The following WDR20 variants were observed in gnomAD, a reference collection of about 807,000 sequenced individuals.
WDR20 encodes WD repeat-containing protein 20.
WDR20 carries 3 observed loss-of-function variants against 38.7 expected under a neutral mutation model. The observed-to-expected ratio is 0.08, with a 90% CI of 0.04 to 0.20. WDR20 has a LOEUF of 0.20. Ranked by LOEUF, WDR20 falls within the 10% of genes least tolerant of loss-of-function variation. WDR20 has a pLI of 1.00. For missense variants in WDR20, 559 were observed against 727.7 expected (o/e 0.77, Z 2.67); for synonymous variants, 298 against 285.6 (o/e 1.04, Z -0.44).
chr14:102,185,876 G>A (rs987821727), intron 1 of WDR20, among the ~76,000 whole-genome samples: 1 of 150,794 alleles, frequency 6.6e-6, no homozygotes, highest in South Asian at 2.1e-4. Flanking sequence ...AGGTCTCTTG[G>A]TTTCTATCAC....
chr14:102,189,714 A>T (rs918022687), intron 1 of WDR20, among the ~76,000 whole-genome samples: 3 of 152,250 alleles, frequency 2.0e-5, no homozygotes, highest in Non-Finnish European at 4.4e-5. Flanking sequence ...CAGTGTGTAG[A>T]ATCTATCAGA....
intron 1 of WDR20, among the ~76,000 whole-genome samples, chr14:102,178,581 T>C (rs144120650): frequency 1.3e-5 from 2 of 152,038 alleles, no homozygotes; most frequent in African/African-American, 4.8e-5. Context: ...TCTGGGCCCC[T>C]GCACTTGAAC....
At chr14:102,191,096 G>A (rs1300093789) in intron 1 of WDR20, 1 of 152,126 alleles carries the variant, frequency 6.6e-6, no homozygotes, top group Non-Finnish European at 1.5e-5. Context: ...AAATACTTCT[G>A]TGTGCTCTGT....
chr14:102,173,153 C>A (rs899359218), intron 1 of WDR20, among the ~76,000 whole-genome samples: 1 of 151,536 alleles, frequency 6.6e-6, no homozygotes, highest in Non-Finnish European at 1.5e-5. Context: ...TATTCTGTCG[C>A]GCAGGCTGGA....
chr14:102,220,382 T>G lies in WDR20; in HGVS notation c.1693-2448T>G, dbSNP rs2063748706. 1.3e-5 allele frequency among the ~76,000 whole-genome samples: 2 copies of G among 152,250 alleles called. No individual in the cohort carries two copies. Among genetic ancestry groups the G allele is most frequent in the Admixed American group, 1.3e-4 (2 of 15,288 alleles). ...CAAAGGCTTCTTACCAAAAAAGTCA[T>G]TAGTAATTTTTATATTGCTGAATAT... On this transcript the variant is annotated intron_variant, in intron 3 of 3. Transcript: ENST00000335263. The surrounding 1 kb of genome is among the most constrained non-coding windows in gnomAD (Gnocchi z 4.2).
chr14:102,205,630 T>C (rs1267040000), intron 2 of WDR20, among the ~76,000 whole-genome samples: 1 of 152,144 alleles, frequency 6.6e-6, no homozygotes, highest in East Asian at 1.9e-4. Flanking sequence ...CACGCTGCTG[T>C]TGCTGCCCAC....
At position 102,189,201 on chromosome 14, in the gene WDR20, C is replaced by A. The variant is rs572064215; in HGVS notation, c.250-5737C>A. Among the ~76,000 whole-genome samples, 19 of 152,120 alleles carry A rather than the reference C, an allele frequency of 1.2e-4. No individual in the cohort carries two copies. In the South Asian group the frequency reaches 3.1e-3, roughly 25 times the overall value. On this transcript the variant is annotated intron_variant, in intron 1 of 2. Coordinates refer to ENST00000342702, the MANE Select transcript of WDR20 (RefSeq NM_144574.4). ...CTCCAGCCTGGGTAATAGAGCGAGA[C>A]CCTGTCTCAATAATAATAATAGTAA...
chr14:102,151,600 C>G (rs917813949), intron 1 of WDR20, among the ~76,000 whole-genome samples: 2 of 151,712 alleles, frequency 1.3e-5, no homozygotes, highest in African/African-American at 4.8e-5. Context: ...GCTGTGTTGT[C>G]TGGGTTGGTC....
intron 2 of WDR20, among the ~76,000 whole-genome samples, chr14:102,202,641 A>G (rs1180325187): frequency 1.3e-5 from 2 of 151,778 alleles, no homozygotes; most frequent in East Asian, 1.9e-4. Context: ...TGGCCTCCCA[A>G]AGTACTGGGA....
At chr14:102,197,496 A>G (rs893882683) in intron 2 of WDR20, among the ~76,000 whole-genome samples, 10 of 152,218 alleles carry the variant, frequency 6.6e-5, no homozygotes, top group African/African-American at 2.4e-4. Context: ...GTACATAGTC[A>G]TTAGAGGAGG....
intron 1 of WDR20, among the ~76,000 whole-genome samples, chr14:102,153,848 C>G (rs890653341): frequency 6.6e-6 from 1 of 152,178 alleles, no homozygotes; most frequent in Non-Finnish European, 1.5e-5. Flanking sequence ...TCTTGACCAT[C>G]GATTTGTGGT....
Position 102,207,907 on chromosome 14 carries a change from G to A in WDR20, c.433-696G>A, listed in dbSNP as rs1268002476. ...TGATGGTAATGAGACACACACTCCC[G>A]AATGAATCGTCAGTGTATCTCTCTC... On this transcript the variant is annotated intron_variant, in intron 2 of 2. Transcript: ENST00000342702. The surrounding 1 kb of genome is among the most constrained non-coding windows in gnomAD (Gnocchi z 5.0). 5.9e-5 allele frequency among the ~76,000 whole-genome samples: 9 copies of A among 152,292 alleles called. No homozygotes were observed. In the South Asian group the frequency reaches 1.0e-3, roughly 18 times the overall value.
intron 1 of WDR20, among the ~76,000 whole-genome samples, chr14:102,167,231 G>C (rs993144288): frequency 2.6e-5 from 4 of 151,736 alleles, no homozygotes; most frequent in Non-Finnish European, 5.9e-5. Flanking sequence ...TTATTTATTT[G>C]ACACAGGGTC....
chr14:102,224,002 G>A (rs1441249782), downstream of WDR20, among the ~76,000 whole-genome samples: 1 of 151,862 alleles, frequency 6.6e-6, no homozygotes, highest in Non-Finnish European at 1.5e-5. Context: ...TATGAACATG[G>A]GACATGAACT....
downstream of WDR20, among the ~76,000 whole-genome samples, chr14:102,216,150 G>T (rs1392671591): frequency 6.6e-6 from 1 of 152,166 alleles, no homozygotes; most frequent in East Asian, 1.9e-4. Context: ...GGAGTGCGGG[G>T]TCAGCAGAGC....
chr14:102,173,276 C>A (rs2061347281), intron 1 of WDR20, among the ~76,000 whole-genome samples: 1 of 150,788 alleles, frequency 6.6e-6, no homozygotes, highest in Non-Finnish European at 1.5e-5. Context: ...CCATGCCTGG[C>A]CAGTTTTTTG....
intron 1 of WDR20, among the ~76,000 whole-genome samples, chr14:102,186,299 G>T (rs1021969014): frequency 3.9e-5 from 6 of 152,156 alleles, no homozygotes; most frequent in Non-Finnish European, 8.8e-5. Flanking sequence ...TGTGGAATTG[G>T]CATCTGTGTG....
chr14:102,218,755 C>CACGGTGTGGGGGCTGATGGG (rs2063528024), downstream of WDR20, among the ~76,000 whole-genome samples: 1 of 152,324 alleles, frequency 6.6e-6, no homozygotes, highest in African/African-American at 2.4e-5. Context: ...CCGTTCCTCT[C>CACGGTGTGGGGGCTGATGGG]ACGGTGTGGG....
intron 2 of WDR20, among the ~76,000 whole-genome samples, chr14:102,205,962 C>G (rs2061461094): frequency 6.6e-6 from 1 of 152,056 alleles, no homozygotes; most frequent in South Asian, 2.1e-4. Flanking sequence ...TACTTAGGGT[C>G]GTCTCAGTGC....
Sources: gnomAD v4.1 joint callset for allele counts (sites outside exome capture counted in the v4.1 genomes callset) on GRCh38, gnomAD v4.1.1 for gene constraint, Gnocchi (gnomAD v3.1) non-coding constraint, MANE v1.5 for transcripts, NCBI Gene and HGNC (gene_info 2026-07-23, HGNC 2026-07-21) for gene names.